Variants in CHD5 observed in about 807,000 individuals in gnomAD.
CHD5 encodes ATP-dependent chromatin remodeler CHD5.
In CHD5, 69 loss-of-function variants were observed where a neutral mutation model predicts 230.3. The observed-to-expected ratio is 0.30, with a 90% CI of 0.25 to 0.37. The LOEUF is 0.37. Among genes scored for constraint, CHD5 ranks in the 10% least tolerant of loss-of-function variants. CHD5 has a pLI of 1.00. For missense variants in CHD5, 1,827 were observed against 2,622.8 expected, an observed-to-expected ratio of 0.70 and a Z score of 6.63; for synonymous variants, 1,064 against 1,065.9, an observed-to-expected ratio of 1.00 and a Z score of 0.03.
At chr1:6,118,355 G>A (rs1666410009) in intron 33 of CHD5, among the ~76,000 whole-genome samples, 1 of 148,910 alleles carries the variant, frequency 6.7e-6, no homozygotes, top group African/African-American at 2.5e-5. Context: ...CTCCAGCCTG[G>A]GTGATAGAGC....
chr1:6,122,911 A>G (rs1666493738), intron 31 of CHD5, among the ~76,000 whole-genome samples: 1 of 152,136 alleles, frequency 6.6e-6, no homozygotes, highest in African/African-American at 2.4e-5. Context: ...CTCTACTAAA[A>G]ATACAAAAAT....
At chr1:6,118,742 G>T (rs914801174) in intron 33 of CHD5, among the ~76,000 whole-genome samples, 1 of 151,870 alleles carries the variant, frequency 6.6e-6, no homozygotes, top group Non-Finnish European at 1.5e-5. Flanking sequence ...TTGTTGCCCA[G>T]GCTGGAGTGC....
rs894270360 is a variant in CHD5, at chr1:6,155,989, G to A, written c.388-272C>T. On this transcript the variant is annotated intron_variant, in intron 3 of 41. Coordinates refer to ENST00000262450, the MANE Select transcript of CHD5 (RefSeq NM_015557.3). This position sits in a 1 kb window ranked among gnomAD's most constrained non-coding sequence, Gnocchi z 4.0. ...CAGGGTTTGGGGAGAGGCCATGTGTGTGCCCTGAACTTCCAGAAAGGGAAA... is the reference window on the plus strand; with the variant it reads ...CAGGGTTTGGGGAGAGGCCATGTGTATGCCCTGAACTTCCAGAAAGGGAAA... Among the ~76,000 whole-genome samples, 3 of 152,250 alleles carry A rather than the reference G, an allele frequency of 2.0e-5. No individual in the cohort carries two copies. The highest frequency in any genetic ancestry group is 2.9e-5 in the Non-Finnish European group (2 of 68,056).
In CHD5 at chr1:6,142,062, C is replaced by A; in HGVS notation, c.2436+66G>T. 1 of 1,439,366 alleles carries A rather than the reference C, an allele frequency of 6.9e-7. No homozygotes were observed. Among genetic ancestry groups the A allele is most frequent in the Non-Finnish European group, 9.7e-7 (1 of 1,026,360 alleles). 89.2% of individuals were successfully genotyped at this position (1,439,366 alleles called of 1,614,324 possible). On this transcript the variant is annotated intron_variant, in intron 15 of 41. Coordinates refer to ENST00000262450, the MANE Select transcript of CHD5 (RefSeq NM_015557.3). This position sits in a 1 kb window ranked among gnomAD's most constrained non-coding sequence, Gnocchi z 5.2. ...TGAGGGACCCCAAAGGAGTGCACGG[C>A]ACCCGTGGTCCCTGAACTAGACCGG...
At position 6,136,764 on chromosome 1, in the gene CHD5, T is replaced by A; in HGVS notation, c.2538A>T (p.Val846=). ...LGSIEWACLV[V]DEAHRLKNNQ... ...TGTTCTTGAGGCGGTGGGCCTCATC[T>A]ACCACCAGGCAGGCCCACTCGATGG... The change falls in exon 16 of 42, where the codon GTA becomes GTT. Residue 846 remains valine, a synonymous_variant. Transcript: ENST00000262450. 2.5e-6 allele frequency: 4 copies of A among 1,613,416 alleles called. No homozygotes were observed. The highest frequency in any genetic ancestry group is 3.4e-6 in the Non-Finnish European group (4 of 1,179,442).
At chr1:6,113,181 T>C in intron 33 of CHD5, 183 bp from the exon 34 acceptor site, 1 of 585,454 alleles carries the variant, frequency 1.7e-6, no homozygotes, top group South Asian at 1.9e-5. Flanking sequence ...CCCAGTATTT[T>C]GGGAGGCCGA....
chr1:6,161,351 C>T (rs1232279198), intron 2 of CHD5, among the ~76,000 whole-genome samples: 1 of 152,054 alleles, frequency 6.6e-6, no homozygotes, highest in East Asian at 1.9e-4. Context: ...GAGGTGGGGG[C>T]CCCCTCTGAC....
chr1:6,165,367 T>C (rs745335862), intron 2 of CHD5, among the ~76,000 whole-genome samples: 3 of 152,138 alleles, frequency 2.0e-5, no homozygotes, highest in Non-Finnish European at 4.4e-5. Context: ...ACTGGGTCCT[T>C]CTTCTGCATT....
At chr1:6,157,506 C>G (rs888115625) in intron 3 of CHD5, among the ~76,000 whole-genome samples, 1 of 152,222 alleles carries the variant, frequency 6.6e-6, no homozygotes, top group Admixed American at 6.5e-5. Context: ...CCTGATCCCA[C>G]ACATCCCTCT....
chr1:6,156,037 A>G (rs1259750170), intron 3 of CHD5, among the ~76,000 whole-genome samples: 3 of 152,158 alleles, frequency 2.0e-5, no homozygotes, highest in Non-Finnish European at 4.4e-5. Flanking sequence ...GGGCAAGGAG[A>G]CTGGATGCCT....
Position 6,104,929 on chromosome 1 carries a change from G to C in CHD5, c.*545C>G, listed in dbSNP as rs1666136827. 1 of 161,984 alleles carries C rather than the reference G, an allele frequency of 6.2e-6. No individual in the cohort carries two copies. The highest frequency in any genetic ancestry group is 1.4e-5 in the Non-Finnish European group (1 of 74,042). 10.0% of individuals were successfully genotyped at this position (161,984 alleles called of 1,614,324 possible). ...GCAGGGGGCCAAATCAGAAGGGGCTGTCACACAGGTGCAGACAGGTCAGGT... is the reference window on the plus strand; with the variant it reads ...GCAGGGGGCCAAATCAGAAGGGGCTCTCACACAGGTGCAGACAGGTCAGGT... On this transcript the variant is annotated 3_prime_UTR_variant, in exon 42 of 42. Transcript: ENST00000262450.
At chr1:6,173,879 C>T (rs997488914) in intron 1 of CHD5, among the ~76,000 whole-genome samples, 6 of 152,218 alleles carry the variant, frequency 3.9e-5, no homozygotes, top group African/African-American at 1.4e-4. Context: ...GGGCAGTACA[C>T]CGCCCAAGAG....
intron 33 of CHD5, among the ~76,000 whole-genome samples, chr1:6,119,862 A>ATTT (rs1484112798): frequency 7.9e-6 from 1 of 127,052 alleles, no homozygotes; most frequent in Non-Finnish European, 1.7e-5. Flanking sequence ...ATATATATAT[A>ATTT]TATTTTTTTT....
Position 6,154,802 on chromosome 1 carries a change from G to A in CHD5, c.603C>T (p.Phe201=). Residue 201 remains phenylalanine (F), a synonymous_variant, in exon 5 of 42, where the codon TTC becomes TTT. Coordinates refer to ENST00000262450, the MANE Select transcript of CHD5 (RefSeq NM_015557.3). This position sits in a 1 kb window ranked among gnomAD's most constrained non-coding sequence, Gnocchi z 7.0. ...KWREFSANNP[F]KGSSAAAAAA... The stretch of plus-strand genomic sequence containing the variant: ...CCGCTGCTGCCGCGGAGCTGCCCTT[G>A]AAGGGGTTGTTGGCGCTGAACTCCC... The A allele has an allele frequency of 6.2e-7, 1 of 1,613,862 alleles. No homozygotes were observed. The highest frequency in any genetic ancestry group is 8.5e-7 in the Non-Finnish European group (1 of 1,179,990).
rs1256483251 is a variant in CHD5, at chr1:6,142,248, C to T, written c.2316G>A (p.Ala772=). The change falls in exon 15 of 42, where the codon GCG becomes GCA. Residue 772 remains alanine (A), a synonymous_variant. Coordinates refer to ENST00000262450, the MANE Select transcript of CHD5 (RefSeq NM_015557.3). The surrounding 1 kb of genome is among the most constrained non-coding windows in gnomAD (Gnocchi z 5.2). ...TGTAGGTGACCACGTAGAAGTCGGGCGCCCACATCTCAAACTCGCGTTCCC... is the reference window on the plus strand; with the variant it reads ...TGTAGGTGACCACGTAGAAGTCGGGTGCCCACATCTCAAACTCGCGTTCCC... The part of the protein sequence containing the change: ...INWEREFEMW[A]PDFYVVTYTG... The T allele has an allele frequency of 1.1e-5, 17 of 1,614,102 alleles. No homozygotes were observed. The highest frequency in any genetic ancestry group is 2.2e-5 in the East Asian group (1 of 44,878).
At chr1:6,136,302 T>C (rs1666745505) in intron 17 of CHD5, among the ~76,000 whole-genome samples, 1 of 152,180 alleles carries the variant, frequency 6.6e-6, no homozygotes, top group Non-Finnish European at 1.5e-5. Flanking sequence ...TTAGCAGCAG[T>C]TGATATTTAC....
chr1:6,171,788 G>A (rs1026303402), intron 1 of CHD5, among the ~76,000 whole-genome samples: 10 of 152,232 alleles, frequency 6.6e-5, no homozygotes, highest in Admixed American at 2.6e-4. Context: ...CATCCTGCCC[G>A]TCCCGGGTGA....
At chr1:6,168,848 G>A (rs528682708) in intron 1 of CHD5, among the ~76,000 whole-genome samples, 10 of 152,086 alleles carry the variant, frequency 6.6e-5, no homozygotes, top group South Asian at 6.3e-4. Flanking sequence ...ATGAAACCCC[G>A]TCTCTACTAA....
intron 2 of CHD5, among the ~76,000 whole-genome samples, chr1:6,161,996 G>C (rs1471141663): frequency 6.6e-6 from 1 of 152,226 alleles, no homozygotes; most frequent in Non-Finnish European, 1.5e-5. Context: ...GCAAGCCTGA[G>C]ACTTGGCCAA....
Sources: gnomAD v4.1 joint callset for allele counts (sites outside exome capture counted in the v4.1 genomes callset) on GRCh38, gnomAD v4.1.1 for gene constraint, Gnocchi (gnomAD v3.1) non-coding constraint, MANE v1.5 for transcripts, NCBI Gene and HGNC (gene_info 2026-07-23, HGNC 2026-07-21) for gene names.